DNAH8: variants seen among roughly 807,000 people sequenced by gnomAD.
The protein encoded by DNAH8 is axonemal beta dynein heavy chain 8.
A neutral mutation model predicts 562.1 loss-of-function variants in DNAH8; 382 were observed. The ratio of observed to expected loss-of-function variants is 0.68; its 90% confidence interval spans 0.63 to 0.74. The LOEUF (loss-of-function observed/expected upper bound fraction) is 0.74, where lower values mean the gene tolerates loss of function less well. Among genes scored for constraint, DNAH8 ranks in the 30% least tolerant of loss-of-function variants. DNAH8 has a pLI of 0.00. For missense variants in DNAH8, 5,203 were observed against 5,620.4 expected, an observed-to-expected ratio of 0.93 and a Z score of 2.37; for synonymous variants, 1,881 against 1,919.4, an observed-to-expected ratio of 0.98 and a Z score of 0.52.
At chr6:38,891,839 C>T (rs980409574) in intron 58 of DNAH8, among the ~76,000 whole-genome samples, 5 of 152,198 alleles carry the variant, frequency 3.3e-5, no homozygotes, top group Non-Finnish European at 5.9e-5. Context: ...TTGGATGTTT[C>T]CTGGCTCCAT....
chr6:38,794,819 G>A lies in DNAH8; in HGVS notation c.2901+3145G>A, dbSNP rs565407928. Among the ~76,000 whole-genome samples the A allele has an allele frequency of 2.0e-4, 31 of 152,036 alleles. 1 individual carries two copies. The highest frequency in any genetic ancestry group is 7.5e-4 in the African/African-American group (31 of 41,440). On this transcript the variant is annotated intron_variant, in intron 21 of 92. Coordinates refer to ENST00000327475, the MANE Select transcript of DNAH8 (RefSeq NM_001206927.2). ...TTATTTGTTCATTCTACTCTTGAGGGCATTTAGATTGTTTATAGCTTTTGG... is the reference window on the plus strand; with the variant it reads ...TTATTTGTTCATTCTACTCTTGAGGACATTTAGATTGTTTATAGCTTTTGG...
chr6:38,883,287 T>C, intron 54 of DNAH8, 35 bp from the exon 55 acceptor site: 1 of 1,567,446 alleles, frequency 6.4e-7, no homozygotes, highest in South Asian at 1.2e-5. Context: ...AAATAAGTTG[T>C]AACACATTTC....
intron 18 of DNAH8, among the ~76,000 whole-genome samples, chr6:38,787,957 T>C (rs1769335037): frequency 1.3e-5 from 2 of 152,038 alleles, no homozygotes; most frequent in South Asian, 2.1e-4. Context: ...ACATTTTTTT[T>C]CCAGTACAAT....
At chr6:38,746,247 C>T (rs1340450648) in intron 8 of DNAH8, among the ~76,000 whole-genome samples, 1 of 152,126 alleles carries the variant, frequency 6.6e-6, no homozygotes, top group East Asian at 1.9e-4. Flanking sequence ...CGAATACTAT[C>T]ATTATTTAGT....
At chr6:38,927,826 C>T (rs1782235172) in intron 74 of DNAH8, among the ~76,000 whole-genome samples, 1 of 152,142 alleles carries the variant, frequency 6.6e-6, no homozygotes. Context: ...TGATGCAACC[C>T]AGTCCCAGGA....
At chr6:38,821,763 T>C (rs1772868381) in intron 26 of DNAH8, among the ~76,000 whole-genome samples, 1 of 152,182 alleles carries the variant, frequency 6.6e-6, no homozygotes, top group Admixed American at 6.5e-5. Context: ...GATTTTGCCA[T>C]GTTGCCCAGG....
At chr6:38,892,328 A>G (rs1289771369) in intron 58 of DNAH8, among the ~76,000 whole-genome samples, 1 of 152,190 alleles carries the variant, frequency 6.6e-6, no homozygotes, top group East Asian at 1.9e-4. Flanking sequence ...CTTAATAGAC[A>G]TCAGTGTTTG....
intron 12 of DNAH8, among the ~76,000 whole-genome samples, chr6:38,774,338 C>T (rs1011088970): frequency 2.0e-5 from 3 of 151,974 alleles, no homozygotes; most frequent in African/African-American, 7.3e-5. Flanking sequence ...CACAGCAAGT[C>T]GAGAACTGGA....
At chr6:38,729,017 A>G (rs573135315) in intron 3 of DNAH8, among the ~76,000 whole-genome samples, 1 of 152,316 alleles carries the variant, frequency 6.6e-6, no homozygotes, top group South Asian at 2.1e-4. Context: ...AGCCTGGCCA[A>G]CATGGCGAAA....
chr6:38,881,050 G>A (rs1365508546), intron 53 of DNAH8, among the ~76,000 whole-genome samples: 6 of 151,914 alleles, frequency 3.9e-5, no homozygotes, highest in South Asian at 2.1e-4. Context: ...ACAAAACCCC[G>A]CACAATGGAT....
chr6:38,883,890 C>A lies in DNAH8; in HGVS notation c.8151C>A (p.Ser2717Arg). 1 of 1,585,060 alleles carries A rather than the reference C, an allele frequency of 6.3e-7. No individual in the cohort carries two copies. Among genetic ancestry groups the A allele is most frequent in the Non-Finnish European group, 8.6e-7 (1 of 1,164,324 alleles). The change falls in exon 56 of 93, where the codon AGC becomes AGA. Residue 2717 changes from serine (S) to arginine (R), a missense_variant. Coordinates refer to ENST00000327475, the MANE Select transcript of DNAH8 (RefSeq NM_001206927.2). ...EPMMFQRTIE[S>R]YVDKRIGSTY... ...CTTCTCTCTAGAGAACAATTGAAAG[C>A]TACGTGGATAAGCGAATTGGAAGCA...
chr6:38,861,235 A>T (rs1362871791), intron 43 of DNAH8, among the ~76,000 whole-genome samples: 1 of 152,220 alleles, frequency 6.6e-6, no homozygotes, highest in African/African-American at 2.4e-5. Context: ...AATTATATCA[A>T]ATCACATCTT....
intron 82 of DNAH8, among the ~76,000 whole-genome samples, chr6:38,955,320 G>T (rs1181431241): frequency 6.6e-6 from 1 of 151,480 alleles, no homozygotes; most frequent in African/African-American, 2.4e-5. Flanking sequence ...AACCGACCCA[G>T]ATAGTAACTG....
At chr6:39,021,806 G>C (rs911857936) in intron 91 of DNAH8, among the ~76,000 whole-genome samples, 1 of 152,184 alleles carries the variant, frequency 6.6e-6, no homozygotes, top group African/African-American at 2.4e-5. Flanking sequence ...AAAAGAAAAT[G>C]TTGCTTATTT....
chr6:39,028,121 A>G (rs1487044040), intron 92 of DNAH8, among the ~76,000 whole-genome samples: 2 of 152,124 alleles, frequency 1.3e-5, no homozygotes, highest in African/African-American at 2.4e-5. Flanking sequence ...GGTTCCCACC[A>G]ACAATCTCTT....
chr6:38,727,917 G>A (rs373813258), intron 3 of DNAH8, among the ~76,000 whole-genome samples: 3 of 152,276 alleles, frequency 2.0e-5, no homozygotes, highest in Admixed American at 6.5e-5. Flanking sequence ...CCAAAGCTGA[G>A]GTCCAATCCC....
intron 24 of DNAH8, among the ~76,000 whole-genome samples, chr6:38,812,752 T>C (rs1367936082): frequency 6.6e-6 from 1 of 152,054 alleles, no homozygotes; most frequent in African/African-American, 2.4e-5. Context: ...AAAAAAAGCC[T>C]ATTCTTAAGG....
At chr6:38,859,064 C>A (rs1177436479) in intron 42 of DNAH8, among the ~76,000 whole-genome samples, 1 of 152,192 alleles carries the variant, frequency 6.6e-6, no homozygotes, top group Non-Finnish European at 1.5e-5. Flanking sequence ...GTTTGCATCC[C>A]AACTAAATGA....
intron 1 of DNAH8, among the ~76,000 whole-genome samples, chr6:38,720,604 C>A (rs977032876): frequency 1.4e-4 from 22 of 152,144 alleles, no homozygotes; most frequent in African/African-American, 4.1e-4. Context: ...ACTCTCTAAG[C>A]AGACATATCC....
Sources: allele counts gnomAD v4.1 joint callset (sites outside exome capture counted in the v4.1 genomes callset), GRCh38; gene constraint gnomAD v4.1.1; transcripts MANE v1.5; gene names NCBI Gene and HGNC (gene_info 2026-07-23, HGNC 2026-07-21).